The following MTSS1 variants were observed in gnomAD, a reference collection of about 807,000 sequenced individuals.
MTSS1 encodes protein MTSS 1.
MTSS1 carries 18 observed loss-of-function variants against 79.0 expected under a neutral mutation model. That is an observed-to-expected ratio of 0.23 (90% confidence interval 0.16 to 0.34). MTSS1 has a LOEUF of 0.34. MTSS1 is among the 10% of genes least tolerant of loss of function. MTSS1 has a pLI of 1.00. For missense variants in MTSS1, 815 were observed against 986.2 expected, an observed-to-expected ratio of 0.83 and a Z score of 2.33; for synonymous variants, 341 against 368.6, an observed-to-expected ratio of 0.93 and a Z score of 0.86.
chr8:124,623,701 G>A (rs559510384), intron 3 of MTSS1, among the ~76,000 whole-genome samples: 15 of 152,280 alleles, frequency 9.9e-5, no homozygotes, highest in African/African-American at 2.6e-4. Context: ...GTGCAGTGGC[G>A]TGATCTCAGC....
chr8:124,653,597 GT>G (rs372860632), intron 3 of MTSS1, among the ~76,000 whole-genome samples: 2,609 of 152,294 alleles, frequency 0.017, 42 homozygotes, highest in Non-Finnish European at 0.027. Flanking sequence ...GGTGGCATGT[GT>G]CTGTAATCCC....
At chr8:124,631,106 T>C (rs111460130) in intron 3 of MTSS1, among the ~76,000 whole-genome samples, 4,150 of 152,250 alleles carry the variant, frequency 0.027, 162 homozygotes, top group African/African-American at 0.094. Flanking sequence ...ACCCTGAGGA[T>C]TCGCCCTTGA....
At chr8:124,609,965 G>A (rs1687182277) in intron 3 of MTSS1, among the ~76,000 whole-genome samples, 3 of 152,200 alleles carry the variant, frequency 2.0e-5, no homozygotes, top group African/African-American at 4.8e-5. Flanking sequence ...CCCTGGTGAT[G>A]TGCAAACAAC....
At chr8:124,589,936 A>C (rs1409643832) in intron 4 of MTSS1, among the ~76,000 whole-genome samples, 1 of 152,132 alleles carries the variant, frequency 6.6e-6, no homozygotes, top group Non-Finnish European at 1.5e-5. Flanking sequence ...GGCTCACTGC[A>C]ACCACCACCT....
At chr8:124,622,485 GAAAAAAAAA>G (rs74650146) in intron 3 of MTSS1, among the ~76,000 whole-genome samples, 1 of 99,502 alleles carries the variant, frequency 1.0e-5, no homozygotes, top group Admixed American at 1.1e-4. Flanking sequence ...TTGCCATATT[GAAAAAAAAA>G]AAAAAAAAAA....
At chr8:124,714,869 C>CTGCTTTTACCT (rs1831695345) in intron 1 of MTSS1, among the ~76,000 whole-genome samples, 1 of 152,224 alleles carries the variant, frequency 6.6e-6, no homozygotes, top group African/African-American at 2.4e-5. Context: ...CCACCTAATA[C>CTGCTTTTACCT]AGGGGCTGGC....
Position 124,717,961 on chromosome 8 carries a change from T to A in MTSS1, c.72+9923A>T, listed in dbSNP as rs73707024. ...AATTAATTAGAGAAATACAAAGCAG[T>A]GCAACACCACACAGCCATTAACAAT... On this transcript the variant is annotated intron_variant, in intron 1 of 13. Coordinates refer to ENST00000518547, the MANE Select transcript of MTSS1 (RefSeq NM_014751.6). Among the ~76,000 whole-genome samples the A allele has an allele frequency of 8.4e-4, 128 of 152,232 alleles. 1 individual carries two copies. The highest frequency in any genetic ancestry group is 2.9e-3 in the African/African-American group (122 of 41,538).
At chr8:124,718,439 C>A (rs770374569) in intron 1 of MTSS1, among the ~76,000 whole-genome samples, 65 of 152,100 alleles carry the variant, frequency 4.3e-4, no homozygotes, top group Non-Finnish European at 5.0e-4. Context: ...TGGCTGTCGG[C>A]TAGTCCTGGC....
At position 124,678,489 on chromosome 8, in the gene MTSS1, T is replaced by C. The variant is rs143139246; in HGVS notation, c.208+21037A>G. On this transcript the variant is annotated intron_variant, in intron 3 of 13. Coordinates refer to ENST00000518547, the MANE Select transcript of MTSS1 (RefSeq NM_014751.6). ...CATGGCTGGGGAGGCCTTGCAATCA[T>C]GGCAGAAGGCAAAGGAAGAGCAAAG... is the stretch of plus-strand genomic sequence containing the variant. Among the ~76,000 whole-genome samples the C allele has an allele frequency of 2.8e-3, 420 of 152,298 alleles. 2 individuals carry two copies. The highest frequency in any genetic ancestry group is 6.8e-3 in the Middle Eastern group (2 of 294).
At chr8:124,613,208 G>A (rs1406719697) in intron 3 of MTSS1, among the ~76,000 whole-genome samples, 1 of 152,154 alleles carries the variant, frequency 6.6e-6, no homozygotes, top group Non-Finnish European at 1.5e-5. Flanking sequence ...GGATATCCCT[G>A]GTCACTGTTC....
chr8:124,564,778 G>T (rs909837106), intron 9 of MTSS1: 1 of 151,798 alleles, frequency 6.6e-6, no homozygotes, highest in Admixed American at 6.6e-5. Flanking sequence ...CCAGGATGCA[G>T]CGTCTTAGGT....
chr8:124,598,128 A>C (rs1017686985), intron 3 of MTSS1, among the ~76,000 whole-genome samples: 3 of 152,050 alleles, frequency 2.0e-5, no homozygotes, highest in South Asian at 2.1e-4. Context: ...CTCTACAAAT[A>C]AATTAATAAA....
At chr8:124,694,130 T>C (rs544333313) in intron 3 of MTSS1, among the ~76,000 whole-genome samples, 27 of 152,306 alleles carry the variant, frequency 1.8e-4, no homozygotes, top group African/African-American at 6.0e-4. Flanking sequence ...TTTTAATGCA[T>C]TCAGAATCAA....
intron 3 of MTSS1, among the ~76,000 whole-genome samples, chr8:124,669,186 G>C (rs976913607): frequency 1.3e-5 from 2 of 152,214 alleles, no homozygotes; most frequent in African/African-American, 4.8e-5. Flanking sequence ...AATTAGAGAA[G>C]ATTTCAGCCC....
intron 1 of MTSS1, among the ~76,000 whole-genome samples, chr8:124,716,139 G>C (rs1404441083): frequency 6.6e-6 from 1 of 152,100 alleles, no homozygotes; most frequent in Non-Finnish European, 1.5e-5. Context: ...CAGTAAAGCT[G>C]ATGTGGAACT....
At chr8:124,690,640 G>A (rs1011453928) in intron 3 of MTSS1, among the ~76,000 whole-genome samples, 2 of 152,158 alleles carry the variant, frequency 1.3e-5, no homozygotes, top group East Asian at 3.8e-4. Flanking sequence ...ATAATAAAAG[G>A]CCACTTGTCA....
chr8:124,625,778 C>T lies in MTSS1; in HGVS notation c.209-34543G>A, dbSNP rs1039145581. On this transcript the variant is annotated intron_variant, in intron 3 of 13. Coordinates refer to ENST00000518547, the MANE Select transcript of MTSS1 (RefSeq NM_014751.6). ...CTAGTTCCTTTTATTTCAAGATGAA[C>T]AGACTCCCAGGCACTGCTGCAAGAT... Among the ~76,000 whole-genome samples the T allele has an allele frequency of 3.3e-5, 5 of 152,320 alleles. No individual in the cohort carries two copies. The South Asian group carries it at 8.3e-4, about 25-fold the overall frequency.
At chr8:124,624,113 A>C (rs1814172176) in intron 3 of MTSS1, among the ~76,000 whole-genome samples, 1 of 152,134 alleles carries the variant, frequency 6.6e-6, no homozygotes, top group South Asian at 2.1e-4. Flanking sequence ...CTTACTTTCA[A>C]CCCCCATTTC....
chr8:124,647,650 T>G (rs1819241972), intron 3 of MTSS1, among the ~76,000 whole-genome samples: 1 of 152,238 alleles, frequency 6.6e-6, no homozygotes, highest in Non-Finnish European at 1.5e-5. Flanking sequence ...ATTTCTTCCA[T>G]CATGTTTTAG....
Sources: allele counts gnomAD v4.1 joint callset (sites outside exome capture counted in the v4.1 genomes callset), GRCh38; gene constraint gnomAD v4.1.1; transcripts MANE v1.5; gene names NCBI Gene and HGNC (gene_info 2026-07-23, HGNC 2026-07-21).